The following SESTD1 variants were observed in gnomAD, a reference collection of about 807,000 sequenced individuals.
SESTD1 encodes the protein SEC14 and spectrin domain containing 1.
SESTD1 carries 43 observed loss-of-function variants against 101.7 expected under a neutral mutation model. The ratio of observed to expected loss-of-function variants is 0.42; its 90% confidence interval spans 0.33 to 0.55. The LOEUF is 0.55. Ranked by LOEUF, SESTD1 falls within the 20% of genes least tolerant of loss-of-function variation. The pLI, the probability that SESTD1 is intolerant of heterozygous loss-of-function variation, is 0.07. For missense variants in SESTD1, 647 were observed against 815.1 expected (o/e 0.79, Z 2.51); for synonymous variants, 283 against 286.8 (o/e 0.99, Z 0.13).
At chr2:179,128,110 A>G (rs2044919213) in intron 10 of SESTD1, among the ~76,000 whole-genome samples, 1 of 152,210 alleles carries the variant, frequency 6.6e-6, no homozygotes. Flanking sequence ...CTAAATCAGT[A>G]TCTGGAGTTG....
At chr2:179,138,217 C>G (rs947335792) in intron 9 of SESTD1, among the ~76,000 whole-genome samples, 2 of 152,158 alleles carry the variant, frequency 1.3e-5, no homozygotes, top group Admixed American at 6.5e-5. Context: ...TTCTTCCTTA[C>G]CCAGTTGAGC....
At chr2:179,114,571 T>C (rs1169444222) in intron 16 of SESTD1, among the ~76,000 whole-genome samples, 1 of 152,222 alleles carries the variant, frequency 6.6e-6, no homozygotes, top group Non-Finnish European at 1.5e-5. Flanking sequence ...CATTGAATAA[T>C]AAATTCTAGA....
chr2:179,180,858 T>C (rs2105483522), intron 3 of SESTD1, among the ~76,000 whole-genome samples: 1 of 152,194 alleles, frequency 6.6e-6, no homozygotes, highest in East Asian at 1.9e-4. Flanking sequence ...CAAGTACGGA[T>C]AAAAAGCTGA....
chr2:179,185,777 A>T (rs1452431560), intron 2 of SESTD1, among the ~76,000 whole-genome samples: 2 of 116,318 alleles, frequency 1.7e-5, no homozygotes, highest in African/African-American at 3.3e-5. Context: ...TATAGCATAT[A>T]CAATATAGTA....
intron 5 of SESTD1, among the ~76,000 whole-genome samples, chr2:179,163,187 C>G (rs2045772006): frequency 6.6e-6 from 1 of 152,124 alleles, no homozygotes; most frequent in Admixed American, 6.5e-5. Flanking sequence ...TGAACCACAG[C>G]TTACAAATTA....
intron 1 of SESTD1, among the ~76,000 whole-genome samples, chr2:179,231,178 G>T (rs1195420945): frequency 1.3e-5 from 2 of 152,130 alleles, no homozygotes; most frequent in African/African-American, 4.8e-5. Context: ...TCCACTAAAA[G>T]CTGAGCTATA....
At chr2:179,188,472 T>C (rs1420320158) in intron 2 of SESTD1, among the ~76,000 whole-genome samples, 4 of 152,112 alleles carry the variant, frequency 2.6e-5, no homozygotes, top group Non-Finnish European at 5.9e-5. Flanking sequence ...ACCCCATCTT[T>C]ACAAAAAATA....
chr2:179,162,920 G>C (rs1181072937), intron 5 of SESTD1, among the ~76,000 whole-genome samples: 2 of 151,702 alleles, frequency 1.3e-5, no homozygotes, highest in African/African-American at 4.8e-5. Flanking sequence ...GAACCTGGGA[G>C]GCGGAGGTTG....
chr2:179,183,260 T>A, intron 2 of SESTD1, 72 bp from the exon 3 acceptor site: 1 of 891,192 alleles, frequency 1.1e-6, no homozygotes, highest in Non-Finnish European at 1.7e-6. Context: ...TACATTTGAA[T>A]CCAATCTTAC....
rs938749734 is a variant in SESTD1 at position 179,109,791 on chromosome 2, A to G, written c.*108T>C. ...GAGAAATGTGTCATGAAAAGAAATG[A>G]GACTTATTTTGGCTGTGAAATGCAT... On this transcript the variant is annotated 3_prime_UTR_variant, in exon 18 of 18. Coordinates refer to ENST00000428443, the MANE Select transcript of SESTD1 (RefSeq NM_178123.5). The G allele has an allele frequency of 2.0e-5, 27 of 1,375,622 alleles. No homozygotes were observed. Among genetic ancestry groups the G allele is most frequent in the African/African-American group, 4.3e-5 (3 of 69,250 alleles). The allele number at this position is 1,375,622 out of a possible 1,614,324, so 85.2% of individuals were successfully genotyped here.
chr2:179,241,066 C>A (rs1259502466), intron 1 of SESTD1, among the ~76,000 whole-genome samples: 1 of 151,628 alleles, frequency 6.6e-6, no homozygotes, highest in African/African-American at 2.4e-5. Context: ...CCAAAAAATA[C>A]AATAATTAAA....
chr2:179,209,894 A>C lies in SESTD1; in HGVS notation c.-25-18028T>G, dbSNP rs944236627. 4.5e-5 allele frequency among the ~76,000 whole-genome samples: 6 copies of C among 134,698 alleles called. 1 individual carries two copies. The highest frequency in any genetic ancestry group is 9.6e-5 in the Non-Finnish European group (6 of 62,596). The allele number at this position is 134,698 out of a possible 152,430, so 88.4% of individuals were successfully genotyped here. A position where few individuals can be genotyped will look rare whatever the true frequency, so the allele number is the denominator to read the frequency against. ...AACTAAATGAAACTGAAACAACAACAAAAAAAGATAAATGAAAAAAAAGCT... is the reference window on the plus strand; with the variant it reads ...AACTAAATGAAACTGAAACAACAACCAAAAAAGATAAATGAAAAAAAAGCT... On this transcript the variant is annotated intron_variant, in intron 1 of 17. Transcript: ENST00000428443.
intron 1 of SESTD1, among the ~76,000 whole-genome samples, chr2:179,192,824 TGA>T (rs1180369130): frequency 6.6e-6 from 1 of 152,220 alleles, no homozygotes; most frequent in African/African-American, 2.4e-5. Flanking sequence ...TACTCATGTC[TGA>T]GAGAGTATTC....
Position 179,117,892 on chromosome 2 carries a change from C to T in SESTD1, c.1443-279G>A, listed in dbSNP as rs76965076. ...AAAGCAAAATGTAAGGACAATAGTA[C>T]ACTAAAACCCAAAAAAAATCTCCAT... On this transcript the variant is annotated intron_variant, in intron 13 of 17. Transcript: ENST00000428443. Among the ~76,000 whole-genome samples, 314 of 152,182 alleles carry T rather than the reference C, an allele frequency of 2.1e-3. 2 individuals are homozygous for T. The highest frequency in any genetic ancestry group is 0.019 in the East Asian group (99 of 5,186).
In SESTD1 at chr2:179,202,890, C is replaced by T. The variant is rs139005820; in HGVS notation, c.-25-11024G>A. ...ATATCCTAAGTCCCACAATCTGGGA[C>T]AATGACCCACAGGGTCTCCTGACAA... is the stretch of plus-strand genomic sequence containing the variant. On this transcript the variant is annotated intron_variant, in intron 1 of 17. Transcript: ENST00000428443. Among the ~76,000 whole-genome samples the T allele has an allele frequency of 1.7e-3, 226 of 134,694 alleles. 50 individuals are homozygous for T. The highest frequency in any genetic ancestry group is 6.5e-3 in the African/African-American group (222 of 34,088). 88.4% of individuals were successfully genotyped at this position (134,694 alleles called of 152,430 possible). A position where few individuals can be genotyped will look rare whatever the true frequency, so the allele number is the denominator to read the frequency against.
intron 5 of SESTD1, among the ~76,000 whole-genome samples, chr2:179,158,703 G>A (rs1453094037): frequency 6.6e-6 from 1 of 152,100 alleles, no homozygotes; most frequent in Non-Finnish European, 1.5e-5. Flanking sequence ...GAGAGCTACA[G>A]AAAACTCATT....
intron 1 of SESTD1, among the ~76,000 whole-genome samples, chr2:179,221,611 T>C (rs2046816588): frequency 7.2e-6 from 1 of 138,772 alleles, no homozygotes; most frequent in South Asian, 2.3e-4. Context: ...AGAGTGAGAC[T>C]GTTAAGGAAA....
At chr2:179,219,359 C>G (rs2046770698) in intron 1 of SESTD1, among the ~76,000 whole-genome samples, 1 of 152,212 alleles carries the variant, frequency 6.6e-6, no homozygotes, top group East Asian at 1.9e-4. Context: ...TTAAATTCTT[C>G]AAGGAGCATT....
intron 5 of SESTD1, among the ~76,000 whole-genome samples, chr2:179,161,075 CTTTTT>C (rs56092247): frequency 7.5e-6 from 1 of 134,226 alleles, no homozygotes; most frequent in Non-Finnish European, 1.6e-5. Context: ...CCATACCTAG[CTTTTT>C]TTTTTTTTTT....
Sources: allele counts gnomAD v4.1 joint callset (sites outside exome capture counted in the v4.1 genomes callset), GRCh38; gene constraint gnomAD v4.1.1; transcripts MANE v1.5; gene names NCBI Gene and HGNC (gene_info 2026-07-23, HGNC 2026-07-21).